Variants in EDIL3 observed in about 807,000 individuals in gnomAD.
EDIL3 encodes the protein EGF like and discoidin domains 3.
A neutral mutation model predicts 67.4 loss-of-function variants in EDIL3; 37 were observed. The ratio of observed to expected loss-of-function variants is 0.55; its 90% CI spans 0.42 to 0.72. EDIL3 has a LOEUF of 0.72. Among genes scored for constraint, EDIL3 ranks in the 30% least tolerant of loss-of-function variants. EDIL3 has a pLI of 0.00. For synonymous variants in EDIL3, 195 were observed against 196.3 expected (o/e 0.99, Z 0.05); for missense variants, 527 against 586.3 (o/e 0.90, Z 1.04).
chr5:84,302,269 A>G (rs970915385), intron 1 of EDIL3, among the ~76,000 whole-genome samples: 1 of 151,858 alleles, frequency 6.6e-6, no homozygotes, highest in African/African-American at 2.4e-5. Context: ...GCTTTTTTAA[A>G]TTCACGATCT....
chr5:83,971,495 T>C (rs983957944), intron 9 of EDIL3, among the ~76,000 whole-genome samples: 3 of 151,984 alleles, frequency 2.0e-5, no homozygotes, highest in Non-Finnish European at 4.4e-5. Context: ...GTTGAACTCC[T>C]GACCTCAAGC....
At chr5:84,142,042 C>T (rs1173994878) in intron 4 of EDIL3, among the ~76,000 whole-genome samples, 1 of 150,012 alleles carries the variant, frequency 6.7e-6, no homozygotes, top group Non-Finnish European at 1.5e-5. Context: ...TTATGCACAT[C>T]CACATCCTGA....
chr5:84,176,181 A>AATATATATATATATATAATAT (rs1345276164), intron 4 of EDIL3, among the ~76,000 whole-genome samples: 3 of 86,480 alleles, frequency 3.5e-5, no homozygotes, highest in African/African-American at 1.6e-4. Flanking sequence ...AGTGGTAAAA[A>AATATATATATATATATAATAT]ATATATATAT....
intron 9 of EDIL3, among the ~76,000 whole-genome samples, chr5:83,994,020 T>G (rs1352185275): frequency 6.6e-6 from 1 of 152,218 alleles, no homozygotes; most frequent in Non-Finnish European, 1.5e-5. Context: ...TCCACAACTA[T>G]GTGCAGTGCT....
chr5:84,251,265 A>T (rs1225093199), intron 2 of EDIL3, among the ~76,000 whole-genome samples: 1 of 151,964 alleles, frequency 6.6e-6, no homozygotes, highest in African/African-American at 2.4e-5. Flanking sequence ...GGAACCTGTT[A>T]TTGTGCCCGG....
intron 6 of EDIL3, among the ~76,000 whole-genome samples, chr5:84,088,865 G>A (rs1313078157): frequency 6.6e-6 from 1 of 151,996 alleles, no homozygotes; most frequent in East Asian, 1.9e-4. Context: ...AGCAGCAGTG[G>A]TAGCAAAAAC....
chr5:83,987,356 A>G (rs1745073266), intron 9 of EDIL3, among the ~76,000 whole-genome samples: 1 of 152,134 alleles, frequency 6.6e-6, no homozygotes, highest in Non-Finnish European at 1.5e-5. Context: ...AACTTTTTAA[A>G]AAGTGGCATG....
rs552689099 is a variant in EDIL3, at chr5:83,991,429, T to G, written c.1138-28069A>C. ...CTGATTCTGCCTCATCGATTCACCA[T>G]CTACTTCCAAACTTCATCCAACAAC... On this transcript the variant is annotated intron_variant, in intron 9 of 10. Transcript: ENST00000296591. Among the ~76,000 whole-genome samples the G allele has an allele frequency of 2.6e-5, 4 of 152,262 alleles. No individual in the cohort carries two copies. The East Asian group carries it at 7.7e-4, about 29-fold the overall frequency.
chr5:84,249,356 A>T (rs1008709517), intron 2 of EDIL3, among the ~76,000 whole-genome samples: 4 of 151,744 alleles, frequency 2.6e-5, no homozygotes, highest in African/African-American at 9.7e-5. Context: ...TACTTGTATC[A>T]CAACACATAA....
chr5:84,027,391 C>A (rs543345529), intron 9 of EDIL3, among the ~76,000 whole-genome samples: 1 of 152,210 alleles, frequency 6.6e-6, no homozygotes, highest in African/African-American at 2.4e-5. Flanking sequence ...CAGCAGTCTT[C>A]AAACATATGC....
intron 2 of EDIL3, among the ~76,000 whole-genome samples, chr5:84,244,447 T>A (rs1029117940): frequency 6.6e-6 from 1 of 150,852 alleles, no homozygotes; most frequent in African/African-American, 2.4e-5. Context: ...CCTGGCTATT[T>A]TTTTTTTTTT....
chr5:84,320,687 C>T (rs1269287538), intron 1 of EDIL3, among the ~76,000 whole-genome samples: 1 of 151,148 alleles, frequency 6.6e-6, no homozygotes, highest in Non-Finnish European at 1.5e-5. Context: ...TTCCTCCATA[C>T]AGATAGTATA....
intron 1 of EDIL3, among the ~76,000 whole-genome samples, chr5:84,360,350 T>A (rs1235754310): frequency 6.6e-6 from 1 of 152,212 alleles, no homozygotes. Flanking sequence ...TGAGAAAATA[T>A]AGGAACAATC....
At chr5:83,986,554 C>T (rs1233139410) in intron 9 of EDIL3, among the ~76,000 whole-genome samples, 3 of 152,078 alleles carry the variant, frequency 2.0e-5, no homozygotes, top group Admixed American at 6.6e-5. Flanking sequence ...TTTATCCAAG[C>T]ATCAATCCAA....
At chr5:84,116,925 T>C (rs966686736) in intron 5 of EDIL3, among the ~76,000 whole-genome samples, 6 of 152,102 alleles carry the variant, frequency 3.9e-5, no homozygotes, top group African/African-American at 1.2e-4. Context: ...ATCAGCCTAT[T>C]GAAATATGAA....
intron 9 of EDIL3, among the ~76,000 whole-genome samples, chr5:84,002,721 C>T (rs1483520490): frequency 2.0e-5 from 3 of 152,190 alleles, no homozygotes; most frequent in Non-Finnish European, 4.4e-5. Flanking sequence ...ATGGAATTCC[C>T]AGAGATAACC....
At chr5:84,245,933 A>T (rs905508811) in intron 2 of EDIL3, among the ~76,000 whole-genome samples, 1 of 140,798 alleles carries the variant, frequency 7.1e-6, no homozygotes, top group East Asian at 2.2e-4. Flanking sequence ...AAAAAAAAAA[A>T]TCTAAGTTTT....
At chr5:84,324,353 A>C (rs867260453) in intron 1 of EDIL3, among the ~76,000 whole-genome samples, 2 of 151,988 alleles carry the variant, frequency 1.3e-5, no homozygotes, top group Admixed American at 1.3e-4. Context: ...ATGGAAATTT[A>C]AAAATACTTA....
chr5:83,976,766 T>TA (rs1377545634), intron 9 of EDIL3, among the ~76,000 whole-genome samples: 1 of 151,900 alleles, frequency 6.6e-6, no homozygotes, highest in East Asian at 1.9e-4. Context: ...CCTTGCTTTT[T>TA]AAAATATAAT....
Sources: gnomAD v4.1 joint callset for allele counts (sites outside exome capture counted in the v4.1 genomes callset) on GRCh38, gnomAD v4.1.1 for gene constraint, MANE v1.5 for transcripts, NCBI Gene and HGNC (gene_info 2026-07-23, HGNC 2026-07-21) for gene names.